MLXIPL: variants seen among roughly 807,000 people sequenced by gnomAD.
The protein encoded by MLXIPL is MLX interacting protein like, also known as carbohydrate-responsive element-binding protein.
MLXIPL carries 49 observed loss-of-function variants against 81.5 expected under a neutral mutation model. The observed-to-expected ratio is 0.60, with a 90% CI of 0.48 to 0.76. The LOEUF is 0.76. MLXIPL is among the 30% of genes least tolerant of loss of function. The pLI, the probability that MLXIPL is intolerant of heterozygous loss-of-function variation, is 0.00. For synonymous variants in MLXIPL, 466 were observed against 485.5 expected, an observed-to-expected ratio of 0.96 and a Z score of 0.53; for missense variants, 1,053 against 1,167.0, an observed-to-expected ratio of 0.90 and a Z score of 1.42.
chr7:73,647,029 C>T, the MLXIPL span, among the ~76,000 whole-genome samples: 1 of 152,170 alleles, frequency 6.6e-6, no homozygotes, highest in Non-Finnish European at 1.5e-5. Flanking sequence ...AACAGTAAAC[C>T]TTCCCATGTC....
At chr7:73,603,665 C>T (rs184428625) in intron 7 of MLXIPL, among the ~76,000 whole-genome samples, 2 of 152,150 alleles carry the variant, frequency 1.3e-5, no homozygotes, top group African/African-American at 2.4e-5. Flanking sequence ...CCAGGGGCTT[C>T]GATGAGACGG....
At chr7:73,636,199 C>T in the MLXIPL span, among the ~76,000 whole-genome samples, 2 of 151,978 alleles carry the variant, frequency 1.3e-5, no homozygotes, top group East Asian at 1.9e-4. Flanking sequence ...CACTTGAGGC[C>T]GGGAGTTTAA....
At chr7:73,610,755 A>G (rs1253326138) in intron 2 of MLXIPL, 1 of 150,584 alleles carries the variant, frequency 6.6e-6, no homozygotes, top group Admixed American at 6.6e-5. Context: ...AATTACAGGC[A>G]TGAGTCACTG....
intron 16 of MLXIPL, 101 bp from the exon 17 acceptor site, chr7:73,594,084 G>C: frequency 7.3e-7 from 1 of 1,376,910 alleles, no homozygotes; most frequent in Non-Finnish European, 1.0e-6. Context: ...TAGTTGGCAA[G>C]ACTGTCACCC....
Position 73,597,197 on chromosome 7 carries a change from G to A in MLXIPL, c.1588C>T (p.Gln530Ter). ...TAGSNNPCLT[Q>*]LLTAAKPEQA... ...TGGCCCTCACCTGCTGTGAGCAGCTGTGTGAGGCAGGGGTTGTTGCTCCCC... is the reference window on the plus strand; with the variant it reads ...TGGCCCTCACCTGCTGTGAGCAGCTATGTGAGGCAGGGGTTGTTGCTCCCC... Residue 530 changes from glutamine to a stop codon, truncating the protein, a stop_gained, in exon 9 of 17, where the codon CAG becomes TAG. Transcript: ENST00000313375. LOFTEE classifies it high-confidence loss of function. 1 of 1,605,078 alleles carries A rather than the reference G, an allele frequency of 6.2e-7. No homozygotes were observed. Among genetic ancestry groups the A allele is most frequent in the Non-Finnish European group, 8.5e-7 (1 of 1,178,140 alleles).
chr7:73,614,148 C>T (rs911957194), intron 2 of MLXIPL, among the ~76,000 whole-genome samples: 4 of 151,972 alleles, frequency 2.6e-5, no homozygotes, highest in Admixed American at 2.0e-4. Context: ...ACCAGGGAGA[C>T]GGAGGTTACA....
At chr7:73,595,314 T>C (rs1440017008) in intron 15 of MLXIPL, among the ~76,000 whole-genome samples, 1 of 152,128 alleles carries the variant, frequency 6.6e-6, no homozygotes, top group Non-Finnish European at 1.5e-5. Flanking sequence ...AGGGAGTGGA[T>C]TCCAAGTCTT....
Position 73,597,373 on chromosome 7 carries a change from G to A in MLXIPL, c.1412C>T (p.Pro471Leu). 1 of 1,468,616 alleles carries A rather than the reference G, an allele frequency of 6.8e-7. No individual in the cohort carries two copies. Among genetic ancestry groups the A allele is most frequent in the Non-Finnish European group, 9.0e-7 (1 of 1,105,760 alleles). The allele number at this position is 1,468,616 out of a possible 1,614,324, so 91.0% of individuals were successfully genotyped here. Residue 471 changes from proline to leucine, a missense_variant, in exon 9 of 17, where the codon CCC becomes CTC. Around this residue, in one of 3 missense-constraint regions of MLXIPL, gnomAD observed 823 missense variants for 933.0 expected, o/e 0.88. Transcript: ENST00000313375. ...SVPSPAPTPF[P>L]IELLPLGYSE... ...ATACCCCAAGGGTAGAAGCTCTATGGGGAAGGGGGTGGGGGCTGGGCTGGG... is the reference window on the plus strand; with the variant it reads ...ATACCCCAAGGGTAGAAGCTCTATGAGGAAGGGGGTGGGGGCTGGGCTGGG...
intron 9 of MLXIPL, 100 bp downstream of exon 9, chr7:73,597,082 C>T: frequency 6.9e-7 from 1 of 1,454,296 alleles, no homozygotes; most frequent in Non-Finnish European, 9.3e-7. Context: ...TTGAACTGGA[C>T]CTGCCCCTTC....
In MLXIPL at chr7:73,609,122, T is replaced by C. The variant is rs571315345; in HGVS notation, c.401-1450A>G. On this transcript the variant is annotated intron_variant, in intron 2 of 16. Transcript: ENST00000313375. ...CTGTGCCTGGCCTCTTCCTTTTTATTACTGTTATTTTTAATTTTTTGGTAG... is the reference window on the plus strand; with the variant it reads ...CTGTGCCTGGCCTCTTCCTTTTTATCACTGTTATTTTTAATTTTTTGGTAG... 1.3e-5 allele frequency: 2 copies of C among 152,130 alleles called. 1 individual carries two copies. Among genetic ancestry groups the C allele is most frequent in the East Asian group, 3.9e-4 (2 of 5,170 alleles). The allele number at this position is 152,130 out of a possible 1,614,324, so 9.4% of individuals were successfully genotyped here.
At chr7:73,647,077 C>T in the MLXIPL span, among the ~76,000 whole-genome samples, 8 of 152,122 alleles carry the variant, frequency 5.3e-5, no homozygotes, top group Non-Finnish European at 7.4e-5. Context: ...GAAAGTCGTG[C>T]GCCCAAGGTC....
At chr7:73,594,249 G>A in intron 16 of MLXIPL, 25 bp downstream of exon 16, 1 of 1,610,786 alleles carries the variant, frequency 6.2e-7, no homozygotes, top group African/African-American at 1.3e-5. Context: ...GGTCCCTCTA[G>A]CAGGCAGGGA....
Position 73,597,399 on chromosome 7 carries a change from G to A in MLXIPL, c.1386C>T (p.Val462=). 2.3e-6 allele frequency: 1 copy of A among 434,868 alleles called. No homozygotes were observed. The highest frequency in any genetic ancestry group is 2.4e-5 in the African/African-American group (1 of 41,260). The allele number at this position is 434,868 out of a possible 1,614,324, so 26.9% of individuals were successfully genotyped here. The change falls in exon 9 of 17, where the codon GTC becomes GTT. Residue 462 remains valine (V), a synonymous_variant. Coordinates refer to ENST00000313375, the MANE Select transcript of MLXIPL (RefSeq NM_032951.3). ...GGAAGGGGGTGGGGGCTGGGCTGGG[G>A]ACAGACTGTGGGGTGGGTGGGAAGG... The part of the protein sequence containing the change: ...PAAFPPTPQS[V]PSPAPTPFPI...
chr7:73,596,018 T>C lies in MLXIPL; in HGVS notation c.2059-49A>G. 1 of 1,608,304 alleles carries C rather than the reference T, an allele frequency of 6.2e-7. No individual in the cohort carries two copies. The highest frequency in any genetic ancestry group is 8.5e-7 in the Non-Finnish European group (1 of 1,179,194). ...CAGGCAGGTGCTAGAGGCTGTACCC[T>C]GGGACCCACTGAGGCACTGGGATGG... On this transcript the variant is annotated intron_variant, in intron 13 of 16. Transcript: ENST00000313375. This position sits in a 1 kb window ranked among gnomAD's most constrained non-coding sequence, Gnocchi z 4.7.
At chr7:73,624,659 T>C (rs541917983), upstream of MLXIPL, 534 of 1,297,856 alleles carry the variant, frequency 4.1e-4, 1 homozygote, top group Non-Finnish European at 4.9e-4. Context: ...TTACGCCAGG[T>C]GAGAACCCGG....
chr7:73,597,056 C>T, intron 9 of MLXIPL, 124 bp from the exon 10 acceptor site: 1 of 1,450,004 alleles, frequency 6.9e-7, no homozygotes, highest in African/African-American at 1.4e-5. Flanking sequence ...TCCCTCATTC[C>T]TTGCCACTCT....
chr7:73,602,029 C>T (rs1213280186), intron 7 of MLXIPL, among the ~76,000 whole-genome samples: 7 of 151,808 alleles, frequency 4.6e-5, no homozygotes, highest in African/African-American at 1.2e-4. Flanking sequence ...TGCCTGTCCG[C>T]GTGTCTAACC....
upstream of MLXIPL, chr7:73,624,683 T>C (rs1796622425): frequency 8.5e-7 from 1 of 1,178,568 alleles, no homozygotes; most frequent in Non-Finnish European, 1.1e-6. Flanking sequence ...TCTGGAGCTC[T>C]GGCGGGTTGG....
At chr7:73,626,887 G>T (rs1190277549), upstream of MLXIPL, among the ~76,000 whole-genome samples, 1 of 152,138 alleles carries the variant, frequency 6.6e-6, no homozygotes, top group African/African-American at 2.4e-5. Flanking sequence ...CTTGGAAAAG[G>T]TTGACATGCA....
Sources: gnomAD v4.1 joint callset for allele counts (sites outside exome capture counted in the v4.1 genomes callset) on GRCh38, gnomAD v4.1.1 for gene constraint, gnomAD v4.1.1 regional missense constraint, Gnocchi (gnomAD v3.1) non-coding constraint, MANE v1.5 for transcripts, NCBI Gene and HGNC (gene_info 2026-07-23, HGNC 2026-07-21) for gene names.